Variants in EIF3L observed in about 807,000 individuals in gnomAD.
EIF3L encodes eIEF associated protein HSPC021.
Under a neutral mutation model 74.6 loss-of-function variants are expected in EIF3L, and 32 were observed. The ratio of observed to expected loss-of-function variants is 0.43; its 90% confidence interval spans 0.32 to 0.58. EIF3L has a LOEUF of 0.58. Among genes scored for constraint, EIF3L ranks in the 20% least tolerant of loss-of-function variants. The probability of loss-of-function intolerance (pLI) is 0.06; values close to 1 mark genes in which losing one functional copy is unlikely to be tolerated. For missense variants in EIF3L, 474 were observed against 707.8 expected (o/e 0.67, Z 3.75); for synonymous variants, 256 against 254.4 (o/e 1.01, Z -0.06).
At chr22:37,864,048 T>C (rs562663551) in intron 7 of EIF3L, among the ~76,000 whole-genome samples, 1 of 150,912 alleles carries the variant, frequency 6.6e-6, no homozygotes, top group Admixed American at 6.6e-5. Flanking sequence ...CTGGTAACAG[T>C]GCAAGACTCC....
intron 5 of EIF3L, among the ~76,000 whole-genome samples, chr22:37,862,011 T>A (rs1368882497): frequency 6.6e-6 from 1 of 152,232 alleles, no homozygotes; most frequent in East Asian, 1.9e-4. Context: ...ACATAACTTT[T>A]ATTAAACAGA....
chr22:37,877,611 G>C lies in EIF3L; in HGVS notation c.1078-63G>C, dbSNP rs996403331. On this transcript the variant is annotated intron_variant, in intron 10 of 12. Transcript: ENST00000652021. Reference sequence around the variant, plus strand: ...GTGCAGAGAATGGTGAGGCCAGTTGGCAGTGGGGACCTCAGGAAGTCCGTC... The same window carrying C: ...GTGCAGAGAATGGTGAGGCCAGTTGCCAGTGGGGACCTCAGGAAGTCCGTC... 17 of 1,526,400 alleles carry C rather than the reference G, an allele frequency of 1.1e-5. No homozygotes were observed. In the African/African-American group the frequency reaches 2.1e-4, roughly 19 times the overall value. 94.6% of individuals were successfully genotyped at this position (1,526,400 alleles called of 1,614,324 possible). A position where few individuals can be genotyped will look rare whatever the true frequency, so the allele number is the denominator to read the frequency against.
Position 37,863,258 on chromosome 22 carries a change from G to A in EIF3L, c.506-14G>A, listed in dbSNP as rs1223675736. 1 of 1,606,284 alleles carries A rather than the reference G, an allele frequency of 6.2e-7. No individual in the cohort carries two copies. Among genetic ancestry groups the A allele is most frequent in the African/African-American group, 1.3e-5 (1 of 74,488 alleles). On this transcript the variant is annotated splice_polypyrimidine_tract_variant and intron_variant, in intron 6 of 12. Coordinates refer to ENST00000652021, the MANE Select transcript of EIF3L (RefSeq NM_016091.4). ...ATTGCTTTGAATCTGACTTTTCTGT[G>A]ATCTCCTGCACAGATGCCGATGGTC...
intron 8 of EIF3L, among the ~76,000 whole-genome samples, chr22:37,871,871 G>A (rs1926492005): frequency 9.0e-6 from 1 of 111,578 alleles, no homozygotes. Flanking sequence ...TCTGTCTCGG[G>A]GAAAAAAAAA....
At chr22:37,860,207 C>A (rs1250390953) in intron 5 of EIF3L, among the ~76,000 whole-genome samples, 2 of 152,188 alleles carry the variant, frequency 1.3e-5, no homozygotes, top group African/African-American at 4.8e-5. Flanking sequence ...TAGTTTTTCT[C>A]ATGGTAATCA....
intron 12 of EIF3L, chr22:37,887,665 C>T (rs1344054044): frequency 6.6e-6 from 1 of 152,294 alleles, no homozygotes; most frequent in Non-Finnish European, 1.5e-5. Flanking sequence ...CTGCATCAGC[C>T]TTCTCCAGAG....
chr22:37,865,482 A>C (rs1024988101), intron 7 of EIF3L, among the ~76,000 whole-genome samples: 4 of 152,192 alleles, frequency 2.6e-5, no homozygotes, highest in African/African-American at 4.8e-5. Context: ...AAAAAAATAA[A>C]ATATATAATT....
intron 8 of EIF3L, among the ~76,000 whole-genome samples, chr22:37,873,042 G>A (rs1601773638): frequency 1.3e-5 from 2 of 151,866 alleles, no homozygotes; most frequent in Non-Finnish European, 2.9e-5. Context: ...AGGCTTGAGT[G>A]CAGTGGCACA....
At chr22:37,857,537 C>T (rs1454696691) in intron 4 of EIF3L, among the ~76,000 whole-genome samples, 1 of 151,516 alleles carries the variant, frequency 6.6e-6, no homozygotes, top group African/African-American at 2.4e-5. Context: ...ACACTTAACT[C>T]CTTTTTTTTT....
At chr22:37,857,390 A>AC (rs1885471957) in intron 4 of EIF3L, among the ~76,000 whole-genome samples, 3 of 151,150 alleles carry the variant, frequency 2.0e-5, no homozygotes, top group East Asian at 1.9e-4. Flanking sequence ...AAAAAAAAAA[A>AC]AACCAATATT....
At position 37,888,545 on chromosome 22, in the gene EIF3L, G is replaced by C; in HGVS notation, c.*81G>C. ...TTTGCTACCGTGAAACCTTTACCTA[G>C]ATCAGCCATCAGCCTGTCAACTCAG... On this transcript the variant is annotated 3_prime_UTR_variant, in exon 13 of 13. Transcript: ENST00000652021. The C allele has an allele frequency of 7.0e-7, 1 of 1,437,660 alleles. No homozygotes were observed. Among genetic ancestry groups the C allele is most frequent in the Non-Finnish European group, 9.8e-7 (1 of 1,024,936 alleles). The allele number at this position is 1,437,660 out of a possible 1,614,324, so 89.1% of individuals were successfully genotyped here.
intron 5 of EIF3L, 81 bp downstream of exon 5, chr22:37,858,821 T>C (rs995404752): frequency 8.1e-7 from 1 of 1,230,436 alleles, no homozygotes; most frequent in Non-Finnish European, 1.2e-6. Context: ...AACACAGTCA[T>C]TTGTTTATAT....
In EIF3L at chr22:37,850,048, T is replaced by C; in HGVS notation, c.67T>C (p.Tyr23His). ...AYDPYAYPSD[Y>H]DMHTGDPKQD... ...TGACCCCTACGCTTATCCCAGCGAC[T>C]ATGATATGCACACAGGTGAGACCAC... The change falls in exon 2 of 13, where the codon TAT becomes CAT. Residue 23 changes from tyrosine to histidine, a missense_variant. Transcript: ENST00000652021. The C allele has an allele frequency of 6.2e-7, 1 of 1,613,720 alleles. No individual in the cohort carries two copies. Among genetic ancestry groups the C allele is most frequent in the South Asian group, 1.1e-5 (1 of 91,080 alleles).
At chr22:37,850,730 G>A (rs76025187) in intron 2 of EIF3L, among the ~76,000 whole-genome samples, 16 of 152,104 alleles carry the variant, frequency 1.1e-4, no homozygotes, top group Admixed American at 2.6e-4. Context: ...TTCCTGAAAC[G>A]TTATAGTGAC....
At chr22:37,865,703 T>G (rs1365158557) in intron 7 of EIF3L, among the ~76,000 whole-genome samples, 1 of 152,216 alleles carries the variant, frequency 6.6e-6, no homozygotes, top group African/African-American at 2.4e-5. Flanking sequence ...AAGATTAGGC[T>G]TCAGTGCCTT....
chr22:37,852,186 T>C (rs1444342893), intron 3 of EIF3L, among the ~76,000 whole-genome samples: 1 of 152,190 alleles, frequency 6.6e-6, no homozygotes, highest in Non-Finnish European at 1.5e-5. Flanking sequence ...TGATTAGCAT[T>C]TGTTTTTATT....
rs1470372760 is a variant in EIF3L, at chr22:37,889,026, C to G, written c.*562C>G. 6.6e-6 allele frequency: 1 copy of G among 152,366 alleles called. No individual in the cohort carries two copies. Among genetic ancestry groups the G allele is most frequent in the Non-Finnish European group, 1.5e-5 (1 of 68,278 alleles). 9.4% of individuals were successfully genotyped at this position (152,366 alleles called of 1,614,324 possible). A position where few individuals can be genotyped will look rare whatever the true frequency, so the allele number is the denominator to read the frequency against. ...AATGTGCTAGGATTACAGGCATGAG[C>G]CACCACGCCCCGCCTAAATTCAAAA... On this transcript the variant is annotated 3_prime_UTR_variant, in exon 13 of 13. Transcript: ENST00000652021.
At chr22:37,851,230 C>T in intron 2 of EIF3L, 50 bp from the exon 3 acceptor site, 1 of 1,543,030 alleles carries the variant, frequency 6.5e-7, no homozygotes, top group Non-Finnish European at 8.9e-7. Context: ...TTCGTTCTAT[C>T]ATATATGTGG....
At chr22:37,866,291 G>A (rs747519146) in intron 7 of EIF3L, among the ~76,000 whole-genome samples, 2 of 152,140 alleles carry the variant, frequency 1.3e-5, no homozygotes, top group African/African-American at 2.4e-5. Context: ...TGCAGTGTGC[G>A]TGATATGGAT....
Sources: gnomAD v4.1 joint callset for allele counts (sites outside exome capture counted in the v4.1 genomes callset) on GRCh38, gnomAD v4.1.1 for gene constraint, MANE v1.5 for transcripts, NCBI Gene and HGNC (gene_info 2026-07-23, HGNC 2026-07-21) for gene names.